The following RYK variants were observed in gnomAD, a reference collection of about 807,000 sequenced individuals.
RYK encodes the protein receptor like tyrosine kinase.
Under a neutral mutation model 70.2 loss-of-function variants are expected in RYK, and 21 were observed. The ratio of observed to expected loss-of-function variants is 0.30; its 90% CI spans 0.21 to 0.43. The LOEUF is 0.43. Ranked by LOEUF, RYK falls within the 20% of genes least tolerant of loss-of-function variation. The pLI is 1.00. For synonymous variants in RYK, 267 were observed against 278.0 expected (o/e 0.96, Z 0.39); for missense variants, 604 against 753.3 (o/e 0.80, Z 2.32).
chr3:134,219,208 A>G (rs537092177), intron 2 of RYK, among the ~76,000 whole-genome samples: 8 of 152,238 alleles, frequency 5.3e-5, no homozygotes, highest in African/African-American at 1.9e-4. Context: ...ATATATATTC[A>G]CCCGAGCCCC....
chr3:134,179,922 A>G (rs1284237841), intron 10 of RYK: 1 of 152,214 alleles, frequency 6.6e-6, no homozygotes, highest in East Asian at 1.9e-4. Flanking sequence ...TGGTAGAGCT[A>G]ACAAACTTCA....
intron 1 of RYK, among the ~76,000 whole-genome samples, chr3:134,244,610 G>A (rs993826467): frequency 1.3e-5 from 2 of 152,106 alleles, no homozygotes; most frequent in Admixed American, 6.5e-5. Flanking sequence ...GATGAACCAG[G>A]GCCCAGGAAC....
At chr3:134,220,507 T>C (rs1446199560) in intron 2 of RYK, among the ~76,000 whole-genome samples, 1 of 152,170 alleles carries the variant, frequency 6.6e-6, no homozygotes, top group African/African-American at 2.4e-5. Context: ...TAAGCACTTA[T>C]TCACTGGTAC....
intron 9 of RYK, among the ~76,000 whole-genome samples, chr3:134,187,751 G>T (rs1200936726): frequency 3.3e-5 from 5 of 150,562 alleles, no homozygotes; most frequent in Non-Finnish European, 7.4e-5. Context: ...AGAGACGGGG[G>T]GTCTTGCTAT....
intron 2 of RYK, among the ~76,000 whole-genome samples, chr3:134,216,419 C>T (rs1409347415): frequency 1.3e-5 from 2 of 152,096 alleles, no homozygotes; most frequent in East Asian, 3.9e-4. Flanking sequence ...CCTGAAAGCA[C>T]AGAACAGCCA....
chr3:134,246,343 C>CAGAGAG (rs139870425), intron 1 of RYK, among the ~76,000 whole-genome samples: 6 of 105,798 alleles, frequency 5.7e-5, no homozygotes, highest in African/African-American at 1.7e-4. Context: ...CACACACACA[C>CAGAGAG]AGAGAGAGAG....
intron 13 of RYK, among the ~76,000 whole-genome samples, chr3:134,167,727 G>A (rs535312977): frequency 3.3e-5 from 5 of 152,248 alleles, no homozygotes; most frequent in South Asian, 2.1e-4. Context: ...AGGACTTCAC[G>A]TCTAAAACAC....
At chr3:134,178,990 T>C (rs912875021) in intron 10 of RYK, 1 of 152,134 alleles carries the variant, frequency 6.6e-6, no homozygotes, top group African/African-American at 2.4e-5. Context: ...CAGTAACAAA[T>C]AGCCTTAAAA....
Position 134,161,820 on chromosome 3 carries a change from G to C in RYK, c.1576-2447C>G, listed in dbSNP as rs113447547. 4.8e-3 allele frequency among the ~76,000 whole-genome samples: 730 copies of C among 151,214 alleles called. 10 individuals are homozygous for C. Among genetic ancestry groups the C allele is most frequent in the African/African-American group, 0.016 (664 of 40,682 alleles). On this transcript the variant is annotated intron_variant, in intron 13 of 14. Transcript: ENST00000623711. ...CTGTTTGGTGAATTCTATCAAACTT[G>C]AAAGAAAATATAAATCTGTATTAGT...
intron 6 of RYK, among the ~76,000 whole-genome samples, chr3:134,196,164 T>G (rs1056556765): frequency 6.6e-6 from 1 of 152,170 alleles, no homozygotes; most frequent in Admixed American, 6.5e-5. Flanking sequence ...GTAATGCTGC[T>G]CAAGCATGTA....
chr3:134,195,603 G>C (rs553803845), intron 6 of RYK, among the ~76,000 whole-genome samples: 1 of 152,330 alleles, frequency 6.6e-6, no homozygotes, highest in East Asian at 1.9e-4. Context: ...ATGGCCTACA[G>C]ATAAAGAAAG....
chr3:134,242,853 T>C (rs2015361825), intron 1 of RYK, among the ~76,000 whole-genome samples: 1 of 152,144 alleles, frequency 6.6e-6, no homozygotes, highest in Non-Finnish European at 1.5e-5. Flanking sequence ...ATGTGTAGCA[T>C]GAGGAAAAAA....
intron 2 of RYK, among the ~76,000 whole-genome samples, chr3:134,213,706 C>CA (rs1251445313): frequency 2.0e-5 from 3 of 152,336 alleles, no homozygotes; most frequent in Admixed American, 1.3e-4. Context: ...ACCTGACCCT[C>CA]AGGGCCTAGA....
At chr3:134,159,193 G>A in intron 14 of RYK, 44 bp downstream of exon 14, 1 of 1,590,436 alleles carries the variant, frequency 6.3e-7, no homozygotes, top group Non-Finnish European at 8.6e-7. Flanking sequence ...TTCCAATATA[G>A]TAAATGGAAT....
chr3:134,171,059 G>C (rs2012888214), intron 13 of RYK: 1 of 152,370 alleles, frequency 6.6e-6, no homozygotes, highest in Non-Finnish European at 1.5e-5. Context: ...TGACGAGGAG[G>C]AAGAGGCGGA....
chr3:134,206,872 A>G (rs2014227090), intron 5 of RYK, among the ~76,000 whole-genome samples: 1 of 152,128 alleles, frequency 6.6e-6, no homozygotes, highest in Non-Finnish European at 1.5e-5. Context: ...GAAGTTTTCA[A>G]AACCAATTTT....
chr3:134,237,925 C>A (rs1560028793), intron 1 of RYK, among the ~76,000 whole-genome samples: 1 of 152,064 alleles, frequency 6.6e-6, no homozygotes, highest in Non-Finnish European at 1.5e-5. Context: ...AGCCATTAAT[C>A]AGAGAAAAAA....
At position 134,222,516 on chromosome 3, in the gene RYK, C is replaced by A. The variant is rs762904245; in HGVS notation, c.256G>T (p.Val86Leu). The A allele has an allele frequency of 1.2e-6, 2 of 1,611,066 alleles. No homozygotes were observed. Among genetic ancestry groups the A allele is most frequent in the Non-Finnish European group, 1.7e-6 (2 of 1,178,054 alleles). ...TAGTGACTAATAAGGTCATTTCTCACATAATAAAGTTCTGCATCAAGACCT... is the reference window on the plus strand; with the variant it reads ...TAGTGACTAATAAGGTCATTTCTCAAATAATAAAGTTCTGCATCAAGACCT... ...LIGLDAELYY[V>L]RNDLISHYAL... The change falls in exon 2 of 15, where the codon GTG becomes TTG. Residue 86 changes from valine to leucine, a missense_variant. Physicochemically the swap from Val to Leu is conservative, Grantham distance 32 (BLOSUM62 1). This residue lies in a region of RYK where 466 missense variants were observed against 535.9 expected (regional missense o/e 0.87). Coordinates refer to ENST00000623711, the MANE Select transcript of RYK (RefSeq NM_002958.4).
In RYK at chr3:134,222,476, C is replaced by A. The variant is rs1131262; in HGVS notation, c.296G>T (p.Ser99Ile). Residue 99 changes from serine to isoleucine, a missense_variant, in exon 2 of 15, where the codon AGT becomes ATT. By Grantham distance (142) the Ser-to-Ile change is moderately radical. Coordinates refer to ENST00000623711, the MANE Select transcript of RYK (RefSeq NM_002958.4). ...ATTTGTCTCACTGGGTACTAACAGA[C>A]TAAAGGATAGAGCGTAGTGACTAAT... is the stretch of plus-strand genomic sequence containing the variant. ...DLISHYALSF[S>I]LLVPSETNFL... The A allele has an allele frequency of 1.9e-6, 3 of 1,613,100 alleles. No homozygotes were observed. Among genetic ancestry groups the A allele is most frequent in the African/African-American group, 2.7e-5 (2 of 74,896 alleles).
Sources: gnomAD v4.1 joint callset for allele counts (sites outside exome capture counted in the v4.1 genomes callset) on GRCh38, gnomAD v4.1.1 for gene constraint, gnomAD v4.1.1 regional missense constraint, MANE v1.5 for transcripts, NCBI Gene and HGNC (gene_info 2026-07-23, HGNC 2026-07-21) for gene names.